CTNND2: variants seen among roughly 807,000 people sequenced by gnomAD.
The protein encoded by CTNND2 is catenin delta-2.
Under a neutral mutation model 144.4 loss-of-function variants are expected in CTNND2, and 22 were observed. The observed-to-expected ratio is 0.15, with a 90% CI of 0.11 to 0.22. The LOEUF (loss-of-function observed/expected upper bound fraction) is 0.22. Ranked by LOEUF, CTNND2 falls within the 10% of genes least tolerant of loss-of-function variation. The probability of loss-of-function intolerance (pLI) is 1.00; values close to 1 mark genes in which losing one functional copy is unlikely to be tolerated. For synonymous variants in CTNND2, 751 were observed against 695.6 expected, an observed-to-expected ratio of 1.08 and a Z score of -1.25; for missense variants, 1,353 against 1,618.8, an observed-to-expected ratio of 0.84 and a Z score of 2.82.
At chr5:11,173,160 C>T (rs558033383) in intron 11 of CTNND2, among the ~76,000 whole-genome samples, 2 of 152,244 alleles carry the variant, frequency 1.3e-5, no homozygotes, top group South Asian at 2.1e-4. Flanking sequence ...CCGAACTTCC[C>T]GGGTACCCGT....
chr5:11,536,137 C>T (rs1033600368), intron 3 of CTNND2, among the ~76,000 whole-genome samples: 15 of 152,278 alleles, frequency 9.9e-5, no homozygotes, highest in Admixed American at 7.9e-4. Context: ...TATCATAGCC[C>T]ACTGCAGCTT....
chr5:11,860,705 A>G lies in CTNND2; in HGVS notation c.37+43112T>C, dbSNP rs935603359. On this transcript the variant is annotated intron_variant, in intron 1 of 21. Transcript: ENST00000304623. ...AATTTAGGTACCAATTAGAACTTTT[A>G]CTTTACTTTTATTCAAGCAGTGACA... is the stretch of plus-strand genomic sequence containing the variant. 5.3e-5 allele frequency among the ~76,000 whole-genome samples: 8 copies of G among 152,206 alleles called. No homozygotes were observed. The East Asian group carries it at 1.3e-3, about 26-fold the overall frequency.
At chr5:11,022,599 A>T (rs1742376633) in intron 17 of CTNND2, among the ~76,000 whole-genome samples, 170 bp downstream of exon 17, 1 of 152,152 alleles carries the variant, frequency 6.6e-6, no homozygotes, top group Admixed American at 6.5e-5. Context: ...AGTCCATTTT[A>T]CCAACAGTAA....
chr5:11,381,427 G>A (rs1400708211), intron 7 of CTNND2, among the ~76,000 whole-genome samples: 1 of 152,096 alleles, frequency 6.6e-6, no homozygotes, highest in Admixed American at 6.6e-5. Flanking sequence ...CTCCCACCTT[G>A]CTGACCTCAA....
At chr5:11,515,748 T>A (rs1561501169) in intron 3 of CTNND2, among the ~76,000 whole-genome samples, 2 of 152,058 alleles carry the variant, frequency 1.3e-5, no homozygotes, top group Admixed American at 6.5e-5. Flanking sequence ...TACTCAAAGG[T>A]ACAATTTTCT....
intron 3 of CTNND2, among the ~76,000 whole-genome samples, chr5:11,463,574 C>G (rs2149938787): frequency 6.6e-6 from 1 of 152,152 alleles, no homozygotes; most frequent in African/African-American, 2.4e-5. Context: ...ATTCCATGCC[C>G]CCATGTTCTG....
rs139994445 is a variant in CTNND2, at chr5:11,532,313, C to T, written c.287+32631G>A. Among the ~76,000 whole-genome samples, 1,053 of 144,096 alleles carry T rather than the reference C, an allele frequency of 7.3e-3. 6 individuals are homozygous for T. Among genetic ancestry groups the T allele is most frequent in the African/African-American group, 0.025 (1,012 of 40,114 alleles). 94.5% of individuals were successfully genotyped at this position (144,096 alleles called of 152,430 possible). On this transcript the variant is annotated intron_variant, in intron 3 of 21. Transcript: ENST00000304623. ...TTTTTCTCCAAACCCACCCCCACCCCTCCTCCAGTATTGGCCTCAAGAACA... is the reference window on the plus strand; with the variant it reads ...TTTTTCTCCAAACCCACCCCCACCCTTCCTCCAGTATTGGCCTCAAGAACA...
intron 11 of CTNND2, among the ~76,000 whole-genome samples, chr5:11,164,962 C>T (rs1035232325): frequency 1.2e-4 from 18 of 152,122 alleles, no homozygotes; most frequent in South Asian, 8.3e-4. Context: ...ACAGAATATG[C>T]CCTGACAAAC....
At chr5:11,162,916 CAG>C (rs142257103) in intron 11 of CTNND2, among the ~76,000 whole-genome samples, 5 of 48,254 alleles carry the variant, frequency 1.0e-4, no homozygotes, top group South Asian at 6.9e-4. Context: ...CACACACATA[CAG>C]ACACACACAC....
At chr5:11,103,047 T>A (rs1011947017) in intron 14 of CTNND2, among the ~76,000 whole-genome samples, 4 of 132,708 alleles carry the variant, frequency 3.0e-5, no homozygotes, top group Admixed American at 8.6e-5. Flanking sequence ...AGTGGCACAA[T>A]CTTGGCTCAC....
At chr5:11,085,341 T>C (rs1318942659) in intron 15 of CTNND2, among the ~76,000 whole-genome samples, 1 of 152,240 alleles carries the variant, frequency 6.6e-6, no homozygotes, top group African/African-American at 2.4e-5. Context: ...GCTTTCATTT[T>C]GAAAGGTTAG....
Position 11,618,650 on chromosome 5 carries a change from A to C in CTNND2, c.175-53594T>G, listed in dbSNP as rs188746117. 3.9e-5 allele frequency among the ~76,000 whole-genome samples: 6 copies of C among 152,352 alleles called. No homozygotes were observed. The East Asian group carries it at 1.2e-3, about 29-fold the overall frequency. On this transcript the variant is annotated intron_variant, in intron 2 of 21. Coordinates refer to ENST00000304623, the MANE Select transcript of CTNND2 (RefSeq NM_001332.4). ...ATTTTTCCACACCTCTGACTATCCG[A>C]AATTTTACCAAGAAATAATTACCAC...
intron 3 of CTNND2, among the ~76,000 whole-genome samples, chr5:11,444,407 C>A (rs1764619068): frequency 6.6e-6 from 1 of 152,202 alleles, no homozygotes. Context: ...CTCTAAAAAT[C>A]TGGTCATTCA....
intron 3 of CTNND2, among the ~76,000 whole-genome samples, chr5:11,558,742 G>A (rs1327819570): frequency 1.3e-5 from 2 of 152,122 alleles, no homozygotes; most frequent in Non-Finnish European, 2.9e-5. Flanking sequence ...CTATAGCTTT[G>A]AGTGCAAGAA....
chr5:11,013,862 G>A (rs897609912), intron 18 of CTNND2, among the ~76,000 whole-genome samples: 3 of 152,152 alleles, frequency 2.0e-5, no homozygotes, highest in Admixed American at 6.5e-5. Flanking sequence ...GTGTGAGCCC[G>A]AGACTGGCAA....
intron 10 of CTNND2, among the ~76,000 whole-genome samples, chr5:11,209,211 C>T (rs980403205): frequency 6.6e-6 from 1 of 152,108 alleles, no homozygotes; most frequent in African/African-American, 2.4e-5. Flanking sequence ...TTCTAACTTT[C>T]ATCTGGAATA....
At chr5:11,098,464 C>T in intron 15 of CTNND2, 111 bp downstream of exon 15, 1 of 977,670 alleles carries the variant, frequency 1.0e-6, no homozygotes, top group Non-Finnish European at 1.5e-6. Context: ...TTTTCTCTAA[C>T]ATCCTAGAAA....
At chr5:11,074,563 C>T (rs1748709583) in intron 16 of CTNND2, among the ~76,000 whole-genome samples, 1 of 152,118 alleles carries the variant, frequency 6.6e-6, no homozygotes, top group Admixed American at 6.6e-5. Context: ...TCAAAGCTTC[C>T]ATGAAGAGCA....
At chr5:11,565,306 A>G (rs1024503547) in intron 2 of CTNND2, among the ~76,000 whole-genome samples, 2 of 152,240 alleles carry the variant, frequency 1.3e-5, no homozygotes, top group African/African-American at 2.4e-5. Flanking sequence ...CTTATTTAAT[A>G]AGATGGATAT....
Sources: gnomAD v4.1 joint callset for allele counts (sites outside exome capture counted in the v4.1 genomes callset) on GRCh38, gnomAD v4.1.1 for gene constraint, MANE v1.5 for transcripts, NCBI Gene and HGNC (gene_info 2026-07-23, HGNC 2026-07-21) for gene names.